Variants in RTN3 observed in about 807,000 individuals in gnomAD.
The protein encoded by RTN3 is reticulon 3.
Under a neutral mutation model 77.8 loss-of-function variants are expected in RTN3, and 49 were observed. The ratio of observed to expected loss-of-function variants is 0.63; its 90% CI spans 0.50 to 0.80. The LOEUF (loss-of-function observed/expected upper bound fraction) is 0.80. Ranked by LOEUF, RTN3 falls within the 30% of genes least tolerant of loss-of-function variation. The probability of loss-of-function intolerance (pLI) is 0.00; values close to 1 mark genes in which losing one functional copy is unlikely to be tolerated. For synonymous variants in RTN3, 464 were observed against 446.9 expected (o/e 1.04, Z -0.48); for missense variants, 1,236 against 1,211.9 (o/e 1.02, Z -0.29).
intron 3 of RTN3, among the ~76,000 whole-genome samples, chr11:63,736,100 A>G (rs2013101116): frequency 6.6e-6 from 1 of 152,130 alleles, no homozygotes; most frequent in Admixed American, 6.5e-5. Context: ...ATACCATCTG[A>G]GACTCAGGGA....
At chr11:63,734,236 T>A (rs1057161557) in intron 3 of RTN3, among the ~76,000 whole-genome samples, 3 of 151,976 alleles carry the variant, frequency 2.0e-5, no homozygotes, top group Admixed American at 2.0e-4. Context: ...TCATTTGAGG[T>A]CAGAGTTTGA....
chr11:63,731,369 T>C (rs2012679818), intron 3 of RTN3, among the ~76,000 whole-genome samples: 1 of 152,162 alleles, frequency 6.6e-6, no homozygotes, highest in South Asian at 2.1e-4. Context: ...TGTGAGCCAC[T>C]GTGCCTGGCC....
chr11:63,738,045 G>A (rs756580691), intron 3 of RTN3, among the ~76,000 whole-genome samples: 9 of 152,170 alleles, frequency 5.9e-5, no homozygotes, highest in Non-Finnish European at 1.0e-4. Context: ...ATCACCTGAC[G>A]TCTCTTTTGC....
chr11:63,719,239 C>A lies in RTN3; in HGVS notation c.737C>A (p.Ser246Ter). The change falls in exon 3 of 9, where the codon TCA becomes TAA. Residue 246 changes from serine to a stop codon, truncating the protein, a stop_gained. Coordinates refer to ENST00000377819, the MANE Select transcript of RTN3 (RefSeq NM_001265589.2). LOFTEE classifies it high-confidence loss of function. ...DDVIEKDSPE[S>*]PFEVIIDKAA... ...GTTATTGAAAAGGATTCCCCTGAAT[C>A]ACCATTTGAAGTAATTATTGACAAA... The A allele has an allele frequency of 6.2e-7, 1 of 1,614,072 alleles. No individual in the cohort carries two copies. The highest frequency in any genetic ancestry group is 1.1e-5 in the South Asian group (1 of 91,058).
At chr11:63,712,738 G>C (rs1233418541) in intron 2 of RTN3, among the ~76,000 whole-genome samples, 1 of 151,990 alleles carries the variant, frequency 6.6e-6, no homozygotes, top group African/African-American at 2.4e-5. Context: ...GGACCAGCTC[G>C]GCCCCCAAAG....
At chr11:63,706,396 G>T (rs1590809440) in intron 2 of RTN3, among the ~76,000 whole-genome samples, 1 of 152,034 alleles carries the variant, frequency 6.6e-6, no homozygotes, top group Non-Finnish European at 1.5e-5. Flanking sequence ...TTGCTATGTT[G>T]CCCAGGCTGG....
At chr11:63,706,901 C>CTTT (rs535955895) in intron 2 of RTN3, among the ~76,000 whole-genome samples, 5 of 139,744 alleles carry the variant, frequency 3.6e-5, no homozygotes, top group African/African-American at 1.3e-4. Flanking sequence ...TTTCTTTTTT[C>CTTT]TTTTTTTTTT....
Position 63,720,131 on chromosome 11 carries a change from C to G in RTN3, c.1629C>G (p.Pro543=), listed in dbSNP as rs530081319. The change falls in exon 3 of 9, where the codon CCC becomes CCG. Residue 543 remains proline, a synonymous_variant. Transcript: ENST00000377819. ...KTGEREIKEI[P]SCEREEKTSK... is the part of the protein sequence containing the mutation. ...GTGAAAGAGAAATCAAAGAGATTCC[C>G]AGTTGTGAGAGAGAAGAAAAAACAT... The G allele has an allele frequency of 1.9e-6, 3 of 1,613,516 alleles. No homozygotes were observed. In the South Asian group the frequency reaches 3.3e-5, roughly 18 times the overall value.
At chr11:63,728,266 G>A (rs1056930198) in intron 3 of RTN3, among the ~76,000 whole-genome samples, 8 of 152,220 alleles carry the variant, frequency 5.3e-5, no homozygotes, top group Admixed American at 2.6e-4. Context: ...AGCACGGCAT[G>A]CAGTGCCCAT....
At chr11:63,688,061 T>C (rs569293260) in intron 1 of RTN3, among the ~76,000 whole-genome samples, 2 of 152,298 alleles carry the variant, frequency 1.3e-5, no homozygotes, top group African/African-American at 2.4e-5. Flanking sequence ...TAAATACTTA[T>C]GCAGATTCTG....
At chr11:63,712,982 C>T (rs1038486842) in intron 2 of RTN3, among the ~76,000 whole-genome samples, 1 of 152,052 alleles carries the variant, frequency 6.6e-6, no homozygotes, top group Non-Finnish European at 1.5e-5. Flanking sequence ...GTAATCCCAG[C>T]TACTCCGGAG....
chr11:63,683,943 C>CTTTTTTTTTTTTTTTT lies in RTN3; in HGVS notation c.142+2179_142+2194dup, dbSNP rs35837590. 3.3e-3 allele frequency among the ~76,000 whole-genome samples: 194 copies of CTTTTTTTTTTTTTTTT among 58,922 alleles called. 4 individuals carry two copies. The highest frequency in any genetic ancestry group is 4.4e-3 in the Non-Finnish European group (134 of 30,146). The allele number at this position is 58,922 out of a possible 152,430, so 38.7% of individuals were successfully genotyped here. On this transcript the variant is annotated intron_variant, in intron 1 of 8. Transcript: ENST00000377819. ...TATTTCTTTCTCTTTTCTTTTCTTT[C>CTTTTTTTTTTTTTTTT]TTTTTTTTTTTTTTTTTTTTTTTTT...
intron 3 of RTN3, among the ~76,000 whole-genome samples, chr11:63,736,330 G>A (rs1441995206): frequency 2.0e-5 from 3 of 152,144 alleles, no homozygotes; most frequent in South Asian, 2.1e-4. Context: ...CTCTGCATCC[G>A]CAGGTTCTGC....
At position 63,752,618 on chromosome 11, in the gene RTN3, G is replaced by C; in HGVS notation, c.2850G>C (p.Leu950=). 1 of 1,613,898 alleles carries C rather than the reference G, an allele frequency of 6.2e-7. No individual in the cohort carries two copies. Among genetic ancestry groups the C allele is most frequent in the Non-Finnish European group, 8.5e-7 (1 of 1,179,930 alleles). ...TGAAACTCATTATTCGTCTCTTTCT[G>C]GTAGAAGATCTGGTTGACTCCTTGA... ...RALKLIIRLF[L]VEDLVDSLKL... Residue 950 remains leucine, a synonymous_variant, in exon 5 of 9, where the codon CTG becomes CTC. Transcript: ENST00000377819.
At chr11:63,733,349 C>T (rs994888937) in intron 3 of RTN3, among the ~76,000 whole-genome samples, 2 of 151,996 alleles carry the variant, frequency 1.3e-5, no homozygotes, top group Non-Finnish European at 2.9e-5. Context: ...ATTACCCGGG[C>T]GTGGTGGCAC....
At chr11:63,747,490 T>TC (rs1357538137) in intron 3 of RTN3, among the ~76,000 whole-genome samples, 1 of 152,276 alleles carries the variant, frequency 6.6e-6, no homozygotes, top group African/African-American at 2.4e-5. Context: ...CCATCAGGAG[T>TC]CATAATACCT....
chr11:63,753,601 A>G, intron 6 of RTN3, 61 bp from the exon 7 acceptor site: 1 of 1,418,880 alleles, frequency 7.0e-7, no homozygotes, highest in South Asian at 1.2e-5. Context: ...TGTTACTCTG[A>G]GTCTTAAGAT....
intron 3 of RTN3, among the ~76,000 whole-genome samples, chr11:63,728,071 A>G (rs1488063450): frequency 1.3e-5 from 2 of 152,248 alleles, no homozygotes; most frequent in African/African-American, 4.8e-5. Flanking sequence ...TATTACAGCA[A>G]AAGGACATAG....
intron 1 of RTN3, among the ~76,000 whole-genome samples, chr11:63,684,609 A>G (rs1941267655): frequency 6.6e-6 from 1 of 151,994 alleles, no homozygotes; most frequent in Non-Finnish European, 1.5e-5. Context: ...ATTATTTCTT[A>G]GTAAAATTTT....
Sources: gnomAD v4.1 joint callset for allele counts (sites outside exome capture counted in the v4.1 genomes callset) on GRCh38, gnomAD v4.1.1 for gene constraint, MANE v1.5 for transcripts, NCBI Gene and HGNC (gene_info 2026-07-23, HGNC 2026-07-21) for gene names.